Variants in DPYD observed in about 807,000 individuals in gnomAD.
The protein encoded by DPYD is dihydropyrimidine dehydrogenase.
A neutral mutation model predicts 116.2 loss-of-function variants in DPYD; 109 were observed. The ratio of observed to expected loss-of-function variants is 0.94; its 90% CI spans 0.80 to 1.10. DPYD has a LOEUF of 1.10. Ranked by LOEUF, DPYD falls within the 50% of genes least tolerant of loss-of-function variation. DPYD has a pLI of 0.00. For missense variants in DPYD, 1,302 were observed against 1,254.5 expected (o/e 1.04, Z -0.57); for synonymous variants, 440 against 432.0 (o/e 1.02, Z -0.23).
chr1:97,632,854 A>G (rs1187473757), intron 8 of DPYD, among the ~76,000 whole-genome samples: 2 of 152,146 alleles, frequency 1.3e-5, no homozygotes, highest in Non-Finnish European at 2.9e-5. Context: ...AAATTAGACA[A>G]AATTGTTTTA....
At chr1:97,570,150 T>C (rs192340746) in intron 11 of DPYD, among the ~76,000 whole-genome samples, 1 of 152,152 alleles carries the variant, frequency 6.6e-6, no homozygotes, top group African/African-American at 2.4e-5. Flanking sequence ...TTTAGAAACT[T>C]ACAAAGATTG....
At chr1:97,727,496 T>C (rs563877070) in intron 4 of DPYD, among the ~76,000 whole-genome samples, 11 of 151,822 alleles carry the variant, frequency 7.2e-5, no homozygotes, top group East Asian at 5.8e-4. Flanking sequence ...AGAAAAATAT[T>C]GAATAGATGA....
intron 2 of DPYD, among the ~76,000 whole-genome samples, chr1:97,849,553 T>A (rs897828965): frequency 6.6e-6 from 1 of 152,102 alleles, no homozygotes; most frequent in African/African-American, 2.4e-5. Context: ...TTAAATGACT[T>A]GCCTAGGTTT....
intron 20 of DPYD, among the ~76,000 whole-genome samples, chr1:97,176,732 G>C (rs1388820162): frequency 6.6e-6 from 1 of 152,104 alleles, no homozygotes; most frequent in Non-Finnish European, 1.5e-5. Flanking sequence ...GGTCCACAGG[G>C]AGGTCTTTGG....
chr1:97,859,623 T>C (rs1671020204), intron 2 of DPYD, among the ~76,000 whole-genome samples: 1 of 152,158 alleles, frequency 6.6e-6, no homozygotes. Context: ...TAGCTCCAGG[T>C]CTCTTCTTTG....
intron 13 of DPYD, among the ~76,000 whole-genome samples, chr1:97,477,782 G>T (rs1053109821): frequency 6.6e-6 from 1 of 151,512 alleles, no homozygotes; most frequent in Admixed American, 6.6e-5. Flanking sequence ...CACCGCGCCC[G>T]GCTAATTTTT....
intron 12 of DPYD, among the ~76,000 whole-genome samples, chr1:97,541,715 C>A (rs979580422): frequency 6.6e-6 from 1 of 151,994 alleles, no homozygotes; most frequent in African/African-American, 2.4e-5. Context: ...TTAACTTTTT[C>A]TGATTAACCA....
chr1:97,516,066 G>GA lies in DPYD; in HGVS notation c.1525-126dup, dbSNP rs141050810. On this transcript the variant is annotated intron_variant, in intron 12 of 22. Transcript: ENST00000370192. ...TAGATTACAACAGTCTGTTTACAAT[G>GA]AAAAAAACTGGCAAAAAGTCAGTGA... The GA allele has an allele frequency of 0.01, 10,540 of 1,009,668 alleles. 731 individuals carry two copies. In the African/African-American group the frequency reaches 0.15, roughly 14 times the overall value. The allele number at this position is 1,009,668 out of a possible 1,614,324, so 62.5% of individuals were successfully genotyped here. A position where few individuals can be genotyped will look rare whatever the true frequency, so the allele number is the denominator to read the frequency against.
intron 20 of DPYD, among the ~76,000 whole-genome samples, chr1:97,110,280 T>A (rs1026576368): frequency 2.0e-5 from 3 of 152,036 alleles, no homozygotes; most frequent in African/African-American, 4.8e-5. Flanking sequence ...ACAGATATGA[T>A]CTCCTTCCTC....
At chr1:97,820,169 T>C (rs546587205) in intron 3 of DPYD, among the ~76,000 whole-genome samples, 5 of 152,146 alleles carry the variant, frequency 3.3e-5, no homozygotes, top group Admixed American at 2.6e-4. Flanking sequence ...ACCCAAATCA[T>C]AAACAGCTAA....
At chr1:97,355,314 A>G (rs1670372638) in intron 16 of DPYD, among the ~76,000 whole-genome samples, 1 of 152,186 alleles carries the variant, frequency 6.6e-6, no homozygotes, top group Non-Finnish European at 1.5e-5. Flanking sequence ...AAGTGATGTT[A>G]CAATTTATGA....
intron 2 of DPYD, among the ~76,000 whole-genome samples, chr1:97,842,509 A>G (rs1670085279): frequency 6.6e-6 from 1 of 152,042 alleles, no homozygotes; most frequent in African/African-American, 2.4e-5. Flanking sequence ...AGTAATCCAA[A>G]TATTTCAATG....
At chr1:97,721,122 T>C (rs1662899569) in intron 5 of DPYD, among the ~76,000 whole-genome samples, 1 of 151,792 alleles carries the variant, frequency 6.6e-6, no homozygotes, top group African/African-American at 2.4e-5. Flanking sequence ...TGAAATATGC[T>C]GTATTTCAAG....
intron 8 of DPYD, among the ~76,000 whole-genome samples, chr1:97,616,487 G>A (rs1445543994): frequency 6.6e-6 from 1 of 152,030 alleles, no homozygotes; most frequent in East Asian, 1.9e-4. Context: ...AGACCAGAGA[G>A]ACCACACGGA....
chr1:97,652,609 T>C (rs1026930492), intron 8 of DPYD, among the ~76,000 whole-genome samples: 2 of 152,130 alleles, frequency 1.3e-5, no homozygotes, highest in Non-Finnish European at 2.9e-5. Context: ...AAGCATATTA[T>C]CAAGATTTCA....
chr1:97,761,674 A>G lies in DPYD; in HGVS notation c.234-21195T>C, dbSNP rs572683268. On this transcript the variant is annotated intron_variant, in intron 3 of 22. Transcript: ENST00000370192. ...ATCAAGCAATCTTATTACTAGGTAC[A>G]TAAATCATTCTACCATAAAGACACA... 3.9e-5 allele frequency among the ~76,000 whole-genome samples: 6 copies of G among 152,298 alleles called. No homozygotes were observed. The South Asian group carries it at 1.2e-3, about 32-fold the overall frequency.
At chr1:97,781,140 C>G (rs920231384) in intron 3 of DPYD, among the ~76,000 whole-genome samples, 1 of 152,188 alleles carries the variant, frequency 6.6e-6, no homozygotes, top group African/African-American at 2.4e-5. Flanking sequence ...GTTGGCTAAA[C>G]CTCCACCTGT....
intron 13 of DPYD, among the ~76,000 whole-genome samples, chr1:97,469,335 C>T (rs1677497230): frequency 7.7e-6 from 1 of 129,576 alleles, no homozygotes; most frequent in Non-Finnish European, 1.6e-5. Context: ...GATTTATATA[C>T]ACTGCAGCCT....
At chr1:97,085,744 C>T (rs1156519679) in intron 21 of DPYD, among the ~76,000 whole-genome samples, 7 of 152,168 alleles carry the variant, frequency 4.6e-5, no homozygotes, top group Admixed American at 2.0e-4. Flanking sequence ...TGGCTAGTCT[C>T]CAGCCCCTCT....
Sources: gnomAD v4.1 joint callset for allele counts (sites outside exome capture counted in the v4.1 genomes callset) on GRCh38, gnomAD v4.1.1 for gene constraint, MANE v1.5 for transcripts, NCBI Gene and HGNC (gene_info 2026-07-23, HGNC 2026-07-21) for gene names.